The following GNA12 variants were observed in gnomAD, a reference collection of about 807,000 sequenced individuals.
GNA12 encodes G protein subunit alpha 12.
Under a neutral mutation model 26.0 loss-of-function variants are expected in GNA12, and 9 were observed. The ratio of observed to expected loss-of-function variants is 0.35; its 90% CI spans 0.21 to 0.60. The LOEUF (loss-of-function observed/expected upper bound fraction) is 0.60, where lower values mean the gene tolerates loss of function less well. GNA12 is among the 20% of genes least tolerant of loss of function. The probability of loss-of-function intolerance (pLI) is 0.78; values close to 1 mark genes in which losing one functional copy is unlikely to be tolerated. For missense variants in GNA12, 405 were observed against 525.8 expected (o/e 0.77, Z 2.25); for synonymous variants, 264 against 219.6 (o/e 1.20, Z -1.79).
chr7:2,818,869 T>TCA (rs933027364), intron 1 of GNA12, among the ~76,000 whole-genome samples: 5 of 151,474 alleles, frequency 3.3e-5, no homozygotes, highest in Admixed American at 6.6e-5. Flanking sequence ...CTGACCAGCC[T>TCA]CACAACCCTT....
intron 2 of GNA12, among the ~76,000 whole-genome samples, chr7:2,786,290 G>A (rs1214452417): frequency 6.6e-6 from 1 of 152,134 alleles, no homozygotes; most frequent in East Asian, 1.9e-4. Context: ...GTAACTTCCT[G>A]TGAATCTGTA....
At position 2,741,040 on chromosome 7, in the gene GNA12, G is replaced by A. The variant is rs1034835984; in HGVS notation, c.526-7539C>T. Among the ~76,000 whole-genome samples, 12 of 147,424 alleles carry A rather than the reference G, an allele frequency of 8.1e-5. No homozygotes were observed. In the East Asian group the frequency reaches 1.4e-3, roughly 17 times the overall value. The stretch of plus-strand genomic sequence containing the variant: ...TGCCTGGGCGACAGAGCGAGACTCC[G>A]TCTCAAAACAAACAAACAAACAAAC... On this transcript the variant is annotated intron_variant, in intron 2 of 3. Transcript: ENST00000275364.
chr7:2,820,424 T>G (rs1296696012), intron 1 of GNA12, among the ~76,000 whole-genome samples: 1 of 126,418 alleles, frequency 7.9e-6, no homozygotes, highest in Non-Finnish European at 1.7e-5. Flanking sequence ...TTTTTTAAGC[T>G]GAGGCCAGGC....
intron 1 of GNA12, among the ~76,000 whole-genome samples, chr7:2,806,515 G>C (rs1347494141): frequency 6.7e-6 from 1 of 150,256 alleles, no homozygotes; most frequent in African/African-American, 2.5e-5. Flanking sequence ...GTCTTTTTCT[G>C]ATTATAAAAG....
chr7:2,729,791 AG>A lies in GNA12; in HGVS notation c.*1389del, dbSNP rs1283011606. On this transcript the variant is annotated 3_prime_UTR_variant, in exon 4 of 4. Coordinates refer to ENST00000275364, the MANE Select transcript of GNA12 (RefSeq NM_007353.3). ...GGACACATCCCAAAACACACTAGGC[AG>A]GATTTCTCAGTAGAGTGATACACAG... 6.6e-6 allele frequency: 1 copy of A among 152,416 alleles called. No individual in the cohort carries two copies. Among genetic ancestry groups the A allele is most frequent in the African/African-American group, 2.4e-5 (1 of 41,470 alleles). The allele number at this position is 152,416 out of a possible 1,614,324, so 9.4% of individuals were successfully genotyped here. A position where few individuals can be genotyped will look rare whatever the true frequency, so the allele number is the denominator to read the frequency against.
intron 2 of GNA12, among the ~76,000 whole-genome samples, chr7:2,761,318 G>A (rs976697062): frequency 7.2e-5 from 11 of 152,210 alleles, no homozygotes; most frequent in Admixed American, 2.6e-4. Flanking sequence ...TCACAGAGCC[G>A]TCTGCTGGCT....
At chr7:2,812,088 A>G (rs926427823) in intron 1 of GNA12, among the ~76,000 whole-genome samples, 6 of 152,270 alleles carry the variant, frequency 3.9e-5, no homozygotes, top group African/African-American at 1.4e-4. Flanking sequence ...AAAAACTCTC[A>G]AGAGAACTTG....
rs1779106102 is a variant in GNA12 at position 2,844,308 on chromosome 7, G to C, written c.-147C>G. 1 of 244,564 alleles carries C rather than the reference G, an allele frequency of 4.1e-6. No homozygotes were observed. The highest frequency in any genetic ancestry group is 2.3e-5 in the African/African-American group (1 of 42,968). 15.1% of individuals were successfully genotyped at this position (244,564 alleles called of 1,614,324 possible). A position where few individuals can be genotyped will look rare whatever the true frequency, so the allele number is the denominator to read the frequency against. ...GCCGCCGCCGCTGCAGTCGCTCCGA[G>C]GCCCGCACTCGTCGCCCGGCCGCCA... On this transcript the variant is annotated 5_prime_UTR_variant, in exon 1 of 4. Coordinates refer to ENST00000275364, the MANE Select transcript of GNA12 (RefSeq NM_007353.3).
intron 2 of GNA12, among the ~76,000 whole-genome samples, chr7:2,793,158 C>G (rs1316963261): frequency 1.3e-5 from 2 of 152,320 alleles, no homozygotes; most frequent in Middle Eastern, 3.4e-3. Flanking sequence ...GGCCAGTGCT[C>G]TGGACATGTC....
intron 1 of GNA12, among the ~76,000 whole-genome samples, chr7:2,828,151 A>T (rs1360998715): frequency 6.6e-6 from 1 of 152,242 alleles, no homozygotes; most frequent in Non-Finnish European, 1.5e-5. Flanking sequence ...AGATTACAAA[A>T]ATTGTAAAGC....
Position 2,729,484 on chromosome 7 carries a change from C to G in GNA12, c.*1697G>C. 6.6e-6 allele frequency: 1 copy of G among 152,430 alleles called. No homozygotes were observed. The highest frequency in any genetic ancestry group is 1.5e-5 in the Non-Finnish European group (1 of 68,078). 9.4% of individuals were successfully genotyped at this position (152,430 alleles called of 1,614,324 possible). ...AAGCCCAGCAAACACTGACACACAG[C>G]CTCGAGCACTGCGAGAGAGAGTTCC... On this transcript the variant is annotated 3_prime_UTR_variant, in exon 4 of 4. Coordinates refer to ENST00000275364, the MANE Select transcript of GNA12 (RefSeq NM_007353.3).
rs182637619 is a variant in GNA12 at position 2,770,307 on chromosome 7, G to C, written c.525+24621C>G. ...TTTATTTATAAACATGTCCCGTTTG[G>C]AAATTAAATTAAATGATCACACAAT... is the stretch of plus-strand genomic sequence containing the variant. On this transcript the variant is annotated intron_variant, in intron 2 of 3. Transcript: ENST00000275364. Among the ~76,000 whole-genome samples, 39 of 152,266 alleles carry C rather than the reference G, an allele frequency of 2.6e-4. 2 individuals carry two copies. The East Asian group carries it at 5.6e-3, about 22-fold the overall frequency.
At chr7:2,782,729 C>T (rs958699255) in intron 2 of GNA12, among the ~76,000 whole-genome samples, 4 of 151,906 alleles carry the variant, frequency 2.6e-5, no homozygotes, top group African/African-American at 9.7e-5. Flanking sequence ...CAGCCACCGT[C>T]ACTTCAAACA....
chr7:2,797,352 C>G (rs1205202102), intron 1 of GNA12, among the ~76,000 whole-genome samples: 2 of 152,086 alleles, frequency 1.3e-5, no homozygotes, highest in African/African-American at 4.8e-5. Flanking sequence ...CTATATTGCC[C>G]AGGCTAGTCT....
intron 1 of GNA12, among the ~76,000 whole-genome samples, chr7:2,828,906 AC>A (rs1326965015): frequency 2.0e-5 from 3 of 152,024 alleles, no homozygotes; most frequent in African/African-American, 7.2e-5. Flanking sequence ...ATTTTTCTCT[AC>A]AAAAATTTTT....
intron 1 of GNA12, among the ~76,000 whole-genome samples, chr7:2,806,923 T>C (rs1792964583): frequency 6.6e-6 from 1 of 152,196 alleles, no homozygotes; most frequent in South Asian, 2.1e-4. Flanking sequence ...ATTATAAAAC[T>C]GCTGGGTCAA....
chr7:2,739,968 C>T (rs1301745409), intron 2 of GNA12, among the ~76,000 whole-genome samples: 8 of 152,094 alleles, frequency 5.3e-5, no homozygotes, highest in Admixed American at 2.6e-4. Flanking sequence ...TCACTGTGCC[C>T]GGCAGTCCTT....
intron 1 of GNA12, among the ~76,000 whole-genome samples, chr7:2,808,559 G>A (rs1793006073): frequency 1.3e-5 from 2 of 152,218 alleles, no homozygotes; most frequent in African/African-American, 4.8e-5. Context: ...TCCCCACAGA[G>A]CAGCAGCGGC....
At chr7:2,790,148 C>A (rs1185052605) in intron 2 of GNA12, among the ~76,000 whole-genome samples, 1 of 152,236 alleles carries the variant, frequency 6.6e-6, no homozygotes, top group Non-Finnish European at 1.5e-5. Flanking sequence ...GGTCATTCTA[C>A]CTGCCTTTAG....
Sources: gnomAD v4.1 joint callset for allele counts (sites outside exome capture counted in the v4.1 genomes callset) on GRCh38, gnomAD v4.1.1 for gene constraint, MANE v1.5 for transcripts, NCBI Gene and HGNC (gene_info 2026-07-23, HGNC 2026-07-21) for gene names.